The following POMT2 variants were observed in gnomAD, a reference collection of about 807,000 sequenced individuals.
The protein encoded by POMT2 is protein O-mannosyl-transferase 2.
A neutral mutation model predicts 100.0 loss-of-function variants in POMT2; 75 were observed. The observed-to-expected ratio is 0.75, with a 90% CI of 0.62 to 0.91. The LOEUF (loss-of-function observed/expected upper bound fraction) is 0.91. Ranked by LOEUF, POMT2 falls within the 40% of genes least tolerant of loss-of-function variation. POMT2 has a pLI of 0.00. For missense variants in POMT2, 940 were observed against 955.1 expected (o/e 0.98, Z 0.21); for synonymous variants, 378 against 374.1 (o/e 1.01, Z -0.12).
intron 1 of POMT2, among the ~76,000 whole-genome samples, chr14:77,315,163 C>G (rs1736398179): frequency 6.6e-6 from 1 of 152,142 alleles, no homozygotes; most frequent in Non-Finnish European, 1.5e-5. Flanking sequence ...GAAGGATGTA[C>G]TACACACAGA....
chr14:77,291,559 AGT>A, intron 9 of POMT2, 179 bp from the exon 10 acceptor site: 1 of 751,314 alleles, frequency 1.3e-6, no homozygotes, highest in Non-Finnish European at 2.2e-6. Context: ...AGCACTGGTG[AGT>A]GAGATTCTCT....
At chr14:77,312,188 T>C in intron 1 of POMT2, 155 bp from the exon 2 acceptor site, 1 of 1,312,858 alleles carries the variant, frequency 7.6e-7, no homozygotes, top group Non-Finnish European at 1.0e-6. Flanking sequence ...ACAAGTGATT[T>C]TAGGAAGAAA....
rs751918638 is a variant in POMT2, at chr14:77,320,666, C to T, written c.16G>A (p.Gly6Ser). 2 of 1,593,570 alleles carry T rather than the reference C, an allele frequency of 1.3e-6. No individual in the cohort carries two copies. The stretch of plus-strand genomic sequence containing the variant: ...AGCTCGGACTCTGCCAGGCCTCCGC[C>T]CGTGGCCGGCGGCATCTTCCCCCTC... Reference protein sequence around the residue: MPPATGGGLAESELRP... With the variant: MPPATSGGLAESELRP... Residue 6 changes from glycine (G) to serine (S), a missense_variant, in exon 1 of 21, where the codon GGC (glycine) becomes AGC (serine). Gly to Ser is a moderately conservative substitution (Grantham distance 56, BLOSUM62 0). Transcript: ENST00000261534.
intron 4 of POMT2, 99 bp downstream of exon 4, chr14:77,304,593 G>T: frequency 6.5e-7 from 1 of 1,526,988 alleles, no homozygotes; most frequent in Admixed American, 2.0e-5. Context: ...TAATTGAACT[G>T]GACCCACATA....
At chr14:77,299,967 G>A (rs533351673) in intron 6 of POMT2, 12 of 285,902 alleles carry the variant, frequency 4.2e-5, no homozygotes, top group East Asian at 8.9e-5. Context: ...TTAACTTCGC[G>A]GCTTCCTTCC....
chr14:77,312,862 T>G (rs557408283), intron 1 of POMT2, among the ~76,000 whole-genome samples: 1 of 152,362 alleles, frequency 6.6e-6, no homozygotes, highest in Admixed American at 6.5e-5. Flanking sequence ...CTGTGACAAG[T>G]AAGCTGCTAA....
rs576850612 is a variant in POMT2 at position 77,277,509 on chromosome 14, T to C, written c.2148-28A>G. On this transcript the variant is annotated intron_variant, in intron 20 of 20. Transcript: ENST00000261534. ...GTGAGAGAGAACCAGTAGGAGGCAG[T>C]TGGCACCCCCAGTGCCTCAGCTGAG... 66 of 1,544,160 alleles carry C rather than the reference T, an allele frequency of 4.3e-5. No homozygotes were observed. The South Asian group carries it at 4.7e-4, about 11-fold the overall frequency.
intron 14 of POMT2, chr14:77,284,494 G>C (rs1313067669): frequency 4.7e-6 from 1 of 213,636 alleles, no homozygotes; most frequent in African/African-American, 2.3e-5. Context: ...TGACAACGCA[G>C]TGGAAATATC....
At chr14:77,315,457 T>C (rs767829212) in intron 1 of POMT2, among the ~76,000 whole-genome samples, 2 of 152,210 alleles carry the variant, frequency 1.3e-5, no homozygotes, top group Admixed American at 6.5e-5. Context: ...CAGATTAAAC[T>C]GGTAATGTTT....
At chr14:77,316,165 A>C (rs979964988) in intron 1 of POMT2, among the ~76,000 whole-genome samples, 2 of 152,244 alleles carry the variant, frequency 1.3e-5, no homozygotes, top group South Asian at 2.1e-4. Flanking sequence ...CAACACTTTG[A>C]AATTGATTGC....
At position 77,286,755 on chromosome 14, in the gene POMT2, C is replaced by T. The variant is rs199743727; in HGVS notation, c.1321G>A (p.Gly441Ser). ...PMTRKHYQVT[G>S]YGINGTGDSN... ...CGTTGCTTACTTACTATGCCATAGC[C>T]GGTGACCTGATAGTGCTTCCGGGTC... is the stretch of plus-strand genomic sequence containing the variant. Residue 441 changes from glycine (G) to serine (S), a missense_variant, in exon 12 of 21, where the codon GGC (glycine) becomes AGC (serine). By Grantham distance (56) the Gly-to-Ser change is moderately conservative. Coordinates refer to ENST00000261534, the MANE Select transcript of POMT2 (RefSeq NM_013382.7). 5.1e-5 allele frequency: 82 copies of T among 1,614,080 alleles called. No homozygotes were observed. Among genetic ancestry groups the T allele is most frequent in the African/African-American group, 3.5e-4 (26 of 74,986 alleles).
intron 9 of POMT2, among the ~76,000 whole-genome samples, chr14:77,295,525 G>A (rs1476600603): frequency 2.0e-5 from 3 of 151,736 alleles, no homozygotes; most frequent in African/African-American, 4.8e-5. Flanking sequence ...CCAGCTACTC[G>A]GGAGGCTGAG....
chr14:77,304,365 T>G (rs758587877), intron 4 of POMT2, among the ~76,000 whole-genome samples: 9 of 152,248 alleles, frequency 5.9e-5, no homozygotes, highest in Non-Finnish European at 1.2e-4. Context: ...ATTAGAATTA[T>G]AAGCTTCCTT....
chr14:77,300,279 C>T (rs1890972891), intron 6 of POMT2: 1 of 155,918 alleles, frequency 6.4e-6, no homozygotes, highest in Non-Finnish European at 1.4e-5. Flanking sequence ...CTGGTTGTGA[C>T]TCCTAGATAC....
chr14:77,308,847 C>A (rs971588599), intron 2 of POMT2: 3 of 431,234 alleles, frequency 7.0e-6, no homozygotes, highest in Admixed American at 2.6e-5. Context: ...TTCATATATA[C>A]CTGCGCAACT....
chr14:77,284,848 A>C, intron 14 of POMT2, 102 bp downstream of exon 14: 1 of 1,007,210 alleles, frequency 9.9e-7, no homozygotes, highest in Non-Finnish European at 1.6e-6. Flanking sequence ...AACAGCAGCA[A>C]GTTGAAGGGA....
chr14:77,301,187 A>T lies in POMT2; in HGVS notation c.719T>A (p.Leu240Ter). ...SLTGVSLAGA[L>*]GVKFVGLFII... ...AAAGAGGCCAACAAACTTGACCCCT[A>T]AAGCACCAGCAAGACTAACGCCAGT... The change falls in exon 6 of 21, where the codon TTA (leucine) becomes TAA (stop). Residue 240 changes from leucine to a stop codon, truncating the protein, a stop_gained. Coordinates refer to ENST00000261534, the MANE Select transcript of POMT2 (RefSeq NM_013382.7). LOFTEE classifies it high-confidence loss of function. The T allele has an allele frequency of 6.2e-7, 1 of 1,614,264 alleles. No homozygotes were observed. Among genetic ancestry groups the T allele is most frequent in the Non-Finnish European group, 8.5e-7 (1 of 1,180,054 alleles).
At chr14:77,281,095 AAAATAAATAAATAAATAAATAAATAAAT>A (rs145830278) in intron 15 of POMT2, among the ~76,000 whole-genome samples, 2 of 144,692 alleles carry the variant, frequency 1.4e-5, no homozygotes, top group Non-Finnish European at 3.0e-5. Context: ...ACTCAGTCTC[AAAATAAATAAATAAATAAATAAATAAAT>A]AAATAAATAA....
At position 77,275,814 on chromosome 14, in the gene POMT2, T is replaced by G. The variant is rs1391314477; in HGVS notation, c.*1562A>C. On this transcript the variant is annotated 3_prime_UTR_variant, in exon 21 of 21. Transcript: ENST00000261534. ...GGGCCCCAGATCTAATTAACCAACC[T>G]GCCTTGCTTTTGACGTTGCTGCATT... The G allele has an allele frequency of 1.3e-5, 2 of 152,442 alleles. No individual in the cohort carries two copies. The highest frequency in any genetic ancestry group is 2.9e-5 in the Non-Finnish European group (2 of 68,058). 9.4% of individuals were successfully genotyped at this position (152,442 alleles called of 1,614,324 possible).
Sources: allele counts gnomAD v4.1 joint callset (sites outside exome capture counted in the v4.1 genomes callset), GRCh38; gene constraint gnomAD v4.1.1; transcripts MANE v1.5; gene names NCBI Gene and HGNC (gene_info 2026-07-23, HGNC 2026-07-21).